MYO3A: variants seen among roughly 807,000 people sequenced by gnomAD.
MYO3A encodes myosin IIIA.
A neutral mutation model predicts 192.7 loss-of-function variants in MYO3A; 180 were observed. The observed-to-expected ratio is 0.93, with a 90% confidence interval of 0.83 to 1.06. The LOEUF is 1.06. Ranked by LOEUF, MYO3A falls within the 50% of genes least tolerant of loss-of-function variation. The pLI, the probability that MYO3A is intolerant of heterozygous loss-of-function variation, is 0.00. For synonymous variants in MYO3A, 628 were observed against 645.3 expected (o/e 0.97, Z 0.41); for missense variants, 1,896 against 1,905.0 (o/e 1.00, Z 0.09).
At chr10:26,139,647 T>C (rs1044951134) in intron 20 of MYO3A, among the ~76,000 whole-genome samples, 5 of 152,150 alleles carry the variant, frequency 3.3e-5, no homozygotes, top group Admixed American at 2.6e-4. Flanking sequence ...ATCCCAGCAC[T>C]TTGGGAGGCC....
intron 10 of MYO3A, among the ~76,000 whole-genome samples, chr10:26,048,574 G>A (rs1004846179): frequency 7.4e-6 from 1 of 135,832 alleles, no homozygotes; most frequent in Non-Finnish European, 1.6e-5. Context: ...TGTGTGTGTG[G>A]TCTGTGTATA....
At chr10:26,124,838 T>G (rs1206881920) in intron 18 of MYO3A, among the ~76,000 whole-genome samples, 1 of 152,182 alleles carries the variant, frequency 6.6e-6, no homozygotes, top group Non-Finnish European at 1.5e-5. Context: ...ATTTAGTAAT[T>G]GAAGTATGAA....
At chr10:26,076,792 A>G (rs748618507) in intron 14 of MYO3A, among the ~76,000 whole-genome samples, 1 of 152,116 alleles carries the variant, frequency 6.6e-6, no homozygotes, top group African/African-American at 2.4e-5. Context: ...TTTGTTGAAG[A>G]TCAGTTGGCT....
At chr10:25,992,021 T>G (rs1840065395) in intron 4 of MYO3A, among the ~76,000 whole-genome samples, 1 of 152,312 alleles carries the variant, frequency 6.6e-6, no homozygotes, top group Non-Finnish European at 1.5e-5. Flanking sequence ...CCATATGAAC[T>G]TTAAAATAGT....
intron 10 of MYO3A, among the ~76,000 whole-genome samples, chr10:26,059,897 G>A (rs71492523): frequency 0.47 from 71,360 of 151,396 alleles, 17,570 homozygotes; most frequent in Middle Eastern, 0.57. Context: ...TGAGGCGGAC[G>A]GATCACTTGA....
intron 32 of MYO3A, among the ~76,000 whole-genome samples, chr10:26,198,881 T>A (rs1843543613): frequency 6.6e-6 from 1 of 152,226 alleles, no homozygotes; most frequent in Non-Finnish European, 1.5e-5. Flanking sequence ...GCTTCTTTAT[T>A]TGCATTTCAA....
intron 10 of MYO3A, among the ~76,000 whole-genome samples, chr10:26,029,587 A>G (rs1333516507): frequency 1.3e-5 from 2 of 152,122 alleles, no homozygotes; most frequent in Non-Finnish European, 2.9e-5. Context: ...ATCAACATCT[A>G]TAGTTTTCAT....
chr10:26,057,740 G>C (rs1361647178), intron 10 of MYO3A, among the ~76,000 whole-genome samples: 1 of 152,188 alleles, frequency 6.6e-6, no homozygotes, highest in Non-Finnish European at 1.5e-5. Flanking sequence ...GGATCTATTA[G>C]TCAGTGCCCT....
At chr10:26,185,326 A>ATTTTTTT in intron 31 of MYO3A, among the ~76,000 whole-genome samples, 1 of 107,374 alleles carries the variant, frequency 9.3e-6, no homozygotes, top group Non-Finnish European at 1.9e-5. Context: ...ACATTCCAGG[A>ATTTTTTT]TTCTTTTTTT....
chr10:26,073,040 C>A (rs558230505), intron 14 of MYO3A, among the ~76,000 whole-genome samples: 1 of 151,974 alleles, frequency 6.6e-6, no homozygotes, highest in South Asian at 2.1e-4. Context: ...CCAGCCTGGG[C>A]AACATAGCAA....
At position 26,173,745 on chromosome 10, in the gene MYO3A, G is replaced by T. The variant is rs1199827354; in HGVS notation, c.3481G>T (p.Val1161Leu). Residue 1161 changes from valine to leucine, a missense_variant, in exon 30 of 35, where the codon GTA (valine) becomes TTA (leucine). Physicochemically the swap from Val to Leu is conservative, Grantham distance 32. Transcript: ENST00000642920. ...TTCAGCTCCAAATAATAAAGGAAGT[G>T]TATCTGTAGTGAAGACTTCCACTTT... The part of the protein sequence containing the change: ...FISAPNNKGS[V>L]SVVKTSTFKP... The T allele has an allele frequency of 6.2e-7, 1 of 1,613,800 alleles. No individual in the cohort carries two copies. The highest frequency in any genetic ancestry group is 1.3e-5 in the African/African-American group (1 of 75,036).
intron 31 of MYO3A, among the ~76,000 whole-genome samples, chr10:26,182,165 C>G (rs1381078616): frequency 1.3e-5 from 2 of 152,196 alleles, no homozygotes; most frequent in Admixed American, 6.5e-5. Flanking sequence ...AGATGGTCAT[C>G]TCCAGTATAG....
chr10:26,120,389 A>G (rs1445347835), intron 17 of MYO3A, among the ~76,000 whole-genome samples: 1 of 152,194 alleles, frequency 6.6e-6, no homozygotes, highest in Non-Finnish European at 1.5e-5. Flanking sequence ...AGGCATTTCT[A>G]CTTCCTCTGA....
At chr10:26,082,740 TTCTCTCTCTCTCTTTTTCTC>T (rs1363859045) in intron 14 of MYO3A, among the ~76,000 whole-genome samples, 1 of 138,566 alleles carries the variant, frequency 7.2e-6, no homozygotes, top group Non-Finnish European at 1.6e-5. Flanking sequence ...TATGGTCTCT[TTCTCTCTCTCTCTTTTTCTC>T]TCTCTCTCTC....
At chr10:26,009,835 A>G (rs1841508190) in intron 6 of MYO3A, among the ~76,000 whole-genome samples, 1 of 152,212 alleles carries the variant, frequency 6.6e-6, no homozygotes, top group Non-Finnish European at 1.5e-5. Context: ...TAAAATTTTA[A>G]TCTCTGAAGA....
chr10:26,034,396 C>T (rs570399931), intron 10 of MYO3A, among the ~76,000 whole-genome samples: 1 of 152,344 alleles, frequency 6.6e-6, no homozygotes, highest in African/African-American at 2.4e-5. Context: ...CCACTGTCTA[C>T]AGCAGCCCAC....
At chr10:26,048,441 C>A (rs546898225) in intron 10 of MYO3A, among the ~76,000 whole-genome samples, 1 of 151,780 alleles carries the variant, frequency 6.6e-6, no homozygotes, top group Non-Finnish European at 1.5e-5. Flanking sequence ...AAGTAAATAC[C>A]TAACCGTGAC....
Position 26,157,498 on chromosome 10 carries a change from T to C in MYO3A, c.2982T>C (p.Phe994=), listed in dbSNP as rs750731933. ...TAGGATTCTCCCATCGGATACTTTT[T>C]GCTAACTTTATAAAGCGGTATGTGG... ...RRLGFSHRIL[F]ANFIKRYYLL... The change falls in exon 26 of 35, where the codon TTT becomes TTC. Residue 994 remains phenylalanine (F), a synonymous_variant. Coordinates refer to ENST00000642920, the MANE Select transcript of MYO3A (RefSeq NM_017433.5). The C allele has an allele frequency of 6.2e-7, 1 of 1,614,098 alleles. No homozygotes were observed. The highest frequency in any genetic ancestry group is 2.2e-5 in the East Asian group (1 of 44,874).
In MYO3A at chr10:26,072,250, G is replaced by A. The variant is rs117664539; in HGVS notation, c.1359+1849G>A. On this transcript the variant is annotated intron_variant, in intron 14 of 34. Transcript: ENST00000642920. ...TAGACACGTGGGGATTACAAATCAA[G>A]ATGAGATTTTGGTGGGGACACAGAG... Among the ~76,000 whole-genome samples the A allele has an allele frequency of 6.8e-4, 103 of 152,272 alleles. 1 individual carries two copies. In the East Asian group the frequency reaches 0.016, roughly 24 times the overall value.
Sources: gnomAD v4.1 joint callset for allele counts (sites outside exome capture counted in the v4.1 genomes callset) on GRCh38, gnomAD v4.1.1 for gene constraint, MANE v1.5 for transcripts, NCBI Gene and HGNC (gene_info 2026-07-23, HGNC 2026-07-21) for gene names.